DAG1: variants seen among roughly 807,000 people sequenced by gnomAD.
DAG1 encodes the protein dystroglycan 1 (dystrophin-associated glycoprotein 1).
DAG1 carries 8 observed loss-of-function variants against 46.1 expected under a neutral mutation model. That is an observed-to-expected ratio of 0.17 (90% CI 0.10 to 0.31). DAG1 has a LOEUF of 0.31. DAG1 is among the 10% of genes least tolerant of loss of function. The pLI, the probability that DAG1 is intolerant of heterozygous loss-of-function variation, is 1.00. For missense variants in DAG1, 1,003 were observed against 1,189.9 expected (o/e 0.84, Z 2.31); for synonymous variants, 495 against 481.8 (o/e 1.03, Z -0.36).
At chr3:49,471,947 G>A (rs545568482) in intron 1 of DAG1, among the ~76,000 whole-genome samples, 2 of 152,256 alleles carry the variant, frequency 1.3e-5, no homozygotes, top group South Asian at 4.1e-4. Context: ...GTGGTTTTCA[G>A]GGCCAGCAGG....
intron 1 of DAG1, among the ~76,000 whole-genome samples, chr3:49,494,770 G>A (rs1045896389): frequency 6.9e-6 from 1 of 144,432 alleles, no homozygotes; most frequent in Non-Finnish European, 1.5e-5. Context: ...GAGTAGCTGG[G>A]ACTACAGGTG....
chr3:49,498,559 A>G (rs1459855726), intron 1 of DAG1, among the ~76,000 whole-genome samples: 1 of 152,074 alleles, frequency 6.6e-6, no homozygotes, highest in East Asian at 1.9e-4. Flanking sequence ...TTAATATTTA[A>G]CTTGTCAAAG....
intron 2 of DAG1, among the ~76,000 whole-genome samples, chr3:49,512,236 C>T (rs1335738366): frequency 1.3e-5 from 2 of 151,730 alleles, no homozygotes; most frequent in African/African-American, 4.8e-5. Flanking sequence ...GAGTTTCGCT[C>T]TTGTCGCCCA....
rs531678948 is a variant in DAG1, at chr3:49,507,436, G to T, written c.-116-2983G>T. ...AAATTAGCTGGGCGTAGTGGTGGGA[G>T]CCTGTAATCCCAGCTACTTGGGAGG... On this transcript the variant is annotated intron_variant, in intron 1 of 2. Transcript: ENST00000308775. Among the ~76,000 whole-genome samples the T allele has an allele frequency of 2.9e-4, 44 of 152,134 alleles. 1 individual carries two copies. The highest frequency in any genetic ancestry group is 1.0e-3 in the African/African-American group (42 of 41,494).
chr3:49,503,013 A>G (rs1361784094), intron 1 of DAG1, among the ~76,000 whole-genome samples: 2 of 152,188 alleles, frequency 1.3e-5, no homozygotes, highest in Admixed American at 6.5e-5. Flanking sequence ...ATGATATTCC[A>G]TGAAAGCCTA....
intron 1 of DAG1, among the ~76,000 whole-genome samples, chr3:49,477,991 G>A (rs934632750): frequency 3.3e-5 from 5 of 151,780 alleles, no homozygotes; most frequent in African/African-American, 9.7e-5. Flanking sequence ...AAAGGACTGG[G>A]CGTGGTGGCT....
In DAG1 at chr3:49,502,784, G is replaced by A. The variant is rs568677986; in HGVS notation, c.-116-7635G>A. Among the ~76,000 whole-genome samples, 46 of 151,802 alleles carry A rather than the reference G, an allele frequency of 3.0e-4. No individual in the cohort carries two copies. In the South Asian group the frequency reaches 9.0e-3, roughly 30 times the overall value. ...CTCCCGAGTAGCTGGGACTACAGGC[G>A]CCCGCCACCACACCTGGCTAATTTT... On this transcript the variant is annotated intron_variant, in intron 1 of 2. Coordinates refer to ENST00000308775, the MANE Select transcript of DAG1 (RefSeq NM_004393.6).
At chr3:49,475,383 C>T (rs972148382) in intron 1 of DAG1, among the ~76,000 whole-genome samples, 9 of 149,204 alleles carry the variant, frequency 6.0e-5, no homozygotes, top group African/African-American at 9.8e-5. Context: ...GGATTACAGG[C>T]GTGAGCCACC....
intron 2 of DAG1, among the ~76,000 whole-genome samples, chr3:49,524,692 A>G (rs1373837666): frequency 2.6e-5 from 4 of 151,674 alleles, no homozygotes; most frequent in Non-Finnish European, 5.9e-5. Flanking sequence ...AAAAAAATGT[A>G]TATTTAAGGG....
At chr3:49,502,864 T>G (rs62261208) in intron 1 of DAG1, among the ~76,000 whole-genome samples, 1 of 151,854 alleles carries the variant, frequency 6.6e-6, no homozygotes, top group Non-Finnish European at 1.5e-5. Context: ...GTCTCGAACT[T>G]CTGACCTTGT....
At position 49,532,046 on chromosome 3, in the gene DAG1, C is replaced by A; in HGVS notation, c.1535C>A (p.Thr512Asn). Reference sequence around the variant, plus strand: ...GACAGGGTAGATGCCTGGGTTGGCACCTACTTTGAGGTGAAGATCCCGTCA... The same window carrying A: ...GACAGGGTAGATGCCTGGGTTGGCAACTACTTTGAGGTGAAGATCCCGTCA... ...HIDRVDAWVG[T>N]YFEVKIPSDT... The change falls in exon 3 of 3, where the codon ACC becomes AAC. Residue 512 changes from threonine to asparagine, a missense_variant. By Grantham distance (65) the Thr-to-Asn change is moderately conservative. Around this residue, in one of 3 missense-constraint regions of DAG1, gnomAD observed 755 missense variants for 854.1 expected, o/e 0.88. Coordinates refer to ENST00000308775, the MANE Select transcript of DAG1 (RefSeq NM_004393.6). The surrounding 1 kb of genome is among the most constrained non-coding windows in gnomAD (Gnocchi z 5.4). 5.6e-6 allele frequency: 9 copies of A among 1,614,198 alleles called. No homozygotes were observed. The highest frequency in any genetic ancestry group is 7.6e-6 in the Non-Finnish European group (9 of 1,180,032).
intron 2 of DAG1, among the ~76,000 whole-genome samples, chr3:49,515,666 A>G (rs1321906966): frequency 6.6e-6 from 1 of 152,092 alleles, no homozygotes; most frequent in Non-Finnish European, 1.5e-5. Flanking sequence ...GATTACAGAC[A>G]TGAGCATCAC....
At chr3:49,497,116 T>TA (rs2050334222) in intron 1 of DAG1, among the ~76,000 whole-genome samples, 1 of 151,408 alleles carries the variant, frequency 6.6e-6, no homozygotes, top group African/African-American at 2.4e-5. Flanking sequence ...CTGGGCAACA[T>TA]AGTGAGACCC....
intron 1 of DAG1, among the ~76,000 whole-genome samples, chr3:49,498,748 G>T: frequency 6.7e-6 from 1 of 149,668 alleles, no homozygotes; most frequent in Admixed American, 6.7e-5. Context: ...GGTTCTTGCT[G>T]TGTCACCCAG....
intron 1 of DAG1, among the ~76,000 whole-genome samples, chr3:49,499,721 T>C (rs2050397025): frequency 6.6e-6 from 1 of 152,176 alleles, no homozygotes; most frequent in Admixed American, 6.5e-5. Flanking sequence ...ATCCTTTGGT[T>C]GCATCTTCCT....
intron 2 of DAG1, among the ~76,000 whole-genome samples, chr3:49,511,401 A>T (rs1420707133): frequency 6.6e-6 from 1 of 152,134 alleles, no homozygotes; most frequent in Non-Finnish European, 1.5e-5. Flanking sequence ...TGAAATAGGA[A>T]GCTTTTGTGT....
chr3:49,481,113 G>T (rs1335917528), intron 1 of DAG1, among the ~76,000 whole-genome samples: 1 of 148,952 alleles, frequency 6.7e-6, no homozygotes, highest in Non-Finnish European at 1.5e-5. Context: ...ATTGTGGCCG[G>T]GCGCAGTGGC....
chr3:49,500,247 G>A (rs1422203382), intron 1 of DAG1, among the ~76,000 whole-genome samples: 2 of 152,012 alleles, frequency 1.3e-5, no homozygotes, highest in Non-Finnish European at 2.9e-5. Context: ...TCCTGACCTC[G>A]TGATCTGCCC....
intron 1 of DAG1, among the ~76,000 whole-genome samples, chr3:49,488,408 C>G (rs2050093220): frequency 6.6e-6 from 1 of 152,122 alleles, no homozygotes; most frequent in African/African-American, 2.4e-5. Flanking sequence ...CCCAGCAATT[C>G]CACATCTAGG....
Sources: gnomAD v4.1 joint callset for allele counts (sites outside exome capture counted in the v4.1 genomes callset) on GRCh38, gnomAD v4.1.1 for gene constraint, gnomAD v4.1.1 regional missense constraint, Gnocchi (gnomAD v3.1) non-coding constraint, MANE v1.5 for transcripts, NCBI Gene and HGNC (gene_info 2026-07-23, HGNC 2026-07-21) for gene names.